Variants in PTPRD observed in about 807,000 individuals in gnomAD.
PTPRD encodes receptor-type tyrosine-protein phosphatase delta.
Under a neutral mutation model 214.5 loss-of-function variants are expected in PTPRD, and 34 were observed. The ratio of observed to expected loss-of-function variants is 0.16; its 90% confidence interval spans 0.12 to 0.21. The LOEUF (loss-of-function observed/expected upper bound fraction) is 0.21, where lower values mean the gene tolerates loss of function less well. Ranked by LOEUF, PTPRD falls within the 10% of genes least tolerant of loss-of-function variation. The pLI is 1.00. For synonymous variants in PTPRD, 1,128 were observed against 845.7 expected (o/e 1.33, Z -5.79); for missense variants, 2,545 against 2,398.7 (o/e 1.06, Z -1.27).
chr9:8,925,720 C>T (rs890742224), intron 11 of PTPRD, among the ~76,000 whole-genome samples: 2 of 151,458 alleles, frequency 1.3e-5, no homozygotes, highest in Admixed American at 6.6e-5. Flanking sequence ...CTCTAGGCAC[C>T]GAGTACTGTT....
At position 8,724,607 on chromosome 9, in the gene PTPRD, A is replaced by C. The variant is rs79812862; in HGVS notation, c.64+9173T>G. Among the ~76,000 whole-genome samples, 91 of 152,288 alleles carry C rather than the reference A, an allele frequency of 6.0e-4. No individual in the cohort carries two copies. In the East Asian group the frequency reaches 0.015, roughly 26 times the overall value. ...TAGAATAAAAACCAAGATTTTGAAC[A>C]AGGTTTATGGAGCCTTGTCTTACCC... On this transcript the variant is annotated intron_variant, in intron 12 of 45. Transcript: ENST00000381196.
intron 3 of PTPRD, among the ~76,000 whole-genome samples, chr9:10,338,800 A>G (rs2096888677): frequency 6.6e-6 from 1 of 151,794 alleles, no homozygotes; most frequent in South Asian, 2.1e-4. Context: ...AAAAAAATAC[A>G]TATTTTTCTC....
intron 8 of PTPRD, among the ~76,000 whole-genome samples, chr9:9,558,607 T>C (rs975375137): frequency 8.5e-5 from 13 of 152,210 alleles, no homozygotes; most frequent in Admixed American, 7.9e-4. Flanking sequence ...GTTACATACA[T>C]AAGCGTTGAT....
intron 43 of PTPRD, among the ~76,000 whole-genome samples, chr9:8,336,935 A>AAGTC (rs1458247338): frequency 6.6e-6 from 1 of 152,226 alleles, no homozygotes; most frequent in African/African-American, 2.4e-5. Context: ...GATCATTAAA[A>AAGTC]AGTCAGGAAA....
chr9:9,807,598 C>T (rs1472266518), intron 5 of PTPRD, among the ~76,000 whole-genome samples: 1 of 152,144 alleles, frequency 6.6e-6, no homozygotes, highest in African/African-American at 2.4e-5. Context: ...CCTGAGATAA[C>T]TTTGTGAAAA....
intron 2 of PTPRD, among the ~76,000 whole-genome samples, chr9:10,540,320 A>C (rs2058814626): frequency 6.6e-6 from 1 of 152,106 alleles, no homozygotes; most frequent in Non-Finnish European, 1.5e-5. Context: ...GAGCCACCGG[A>C]CCCGGGCATA....
chr9:10,029,028 G>T (rs1183492573), intron 4 of PTPRD, among the ~76,000 whole-genome samples: 1 of 152,132 alleles, frequency 6.6e-6, no homozygotes, highest in Non-Finnish European at 1.5e-5. Context: ...AGCTGCTCCA[G>T]TTGTGGCTGA....
chr9:9,667,459 A>G (rs1218526812), intron 7 of PTPRD, among the ~76,000 whole-genome samples: 2 of 152,128 alleles, frequency 1.3e-5, no homozygotes, highest in African/African-American at 4.8e-5. Flanking sequence ...GAAAGTCATA[A>G]AATAGTTTAT....
chr9:8,878,131 G>C (rs1391277811), intron 11 of PTPRD, among the ~76,000 whole-genome samples: 2 of 152,184 alleles, frequency 1.3e-5, no homozygotes, highest in African/African-American at 2.4e-5. Flanking sequence ...TACATTGCCA[G>C]ATATTACTTA....
chr9:8,785,381 C>A (rs2095901240), intron 11 of PTPRD, among the ~76,000 whole-genome samples: 1 of 152,136 alleles, frequency 6.6e-6, no homozygotes, highest in South Asian at 2.1e-4. Context: ...TGATTAGCTA[C>A]AAAGGCAAAA....
chr9:8,404,214 C>G (rs760070321), intron 36 of PTPRD, among the ~76,000 whole-genome samples: 2 of 152,092 alleles, frequency 1.3e-5, no homozygotes, highest in Non-Finnish European at 2.9e-5. Context: ...CTGCAACTCC[C>G]GCCTCCTGGG....
intron 8 of PTPRD, among the ~76,000 whole-genome samples, chr9:9,517,029 G>C (rs1409917462): frequency 1.3e-5 from 2 of 151,490 alleles, no homozygotes; most frequent in African/African-American, 4.8e-5. Context: ...ATTAGTTGCA[G>C]TGAAATGAAA....
intron 11 of PTPRD, among the ~76,000 whole-genome samples, chr9:8,783,331 A>T (rs2095813654): frequency 1.3e-5 from 2 of 152,236 alleles, no homozygotes; most frequent in Non-Finnish European, 2.9e-5. Context: ...TTTTCCTAGT[A>T]TTAGTAACTT....
intron 3 of PTPRD, among the ~76,000 whole-genome samples, chr9:10,070,703 A>G (rs1350267942): frequency 6.6e-6 from 1 of 152,026 alleles, no homozygotes; most frequent in Non-Finnish European, 1.5e-5. Context: ...AAAATTATGC[A>G]GTCAGTCTTT....
intron 2 of PTPRD, among the ~76,000 whole-genome samples, chr9:10,368,517 G>A (rs1310076938): frequency 6.6e-6 from 1 of 152,044 alleles, no homozygotes; most frequent in Non-Finnish European, 1.5e-5. Flanking sequence ...CGATAAATTA[G>A]AGGTGTTTAT....
At chr9:10,364,236 C>T (rs28557232) in intron 2 of PTPRD, among the ~76,000 whole-genome samples, 17,500 of 151,836 alleles carry the variant, frequency 0.12, 1,520 homozygotes, top group African/African-American at 0.24. Context: ...CTCCTGACCT[C>T]GTGATCCGCC....
At chr9:8,651,451 G>A (rs1480181048) in intron 12 of PTPRD, among the ~76,000 whole-genome samples, 1 of 152,184 alleles carries the variant, frequency 6.6e-6, no homozygotes, top group African/African-American at 2.4e-5. Flanking sequence ...CACACGGATA[G>A]AGGCTAGGGT....
chr9:10,214,430 T>G (rs1418950704), intron 3 of PTPRD, among the ~76,000 whole-genome samples: 1 of 13,780 alleles, frequency 7.3e-5, no homozygotes, highest in Non-Finnish European at 2.9e-4. Flanking sequence ...AGCCCAACTA[T>G]TTTTTTTTTT....
At chr9:10,085,005 A>G (rs1181550495) in intron 3 of PTPRD, among the ~76,000 whole-genome samples, 3 of 151,938 alleles carry the variant, frequency 2.0e-5, no homozygotes, top group Non-Finnish European at 4.4e-5. Context: ...GTCCAGAGAA[A>G]TAAATATCAA....
Sources: allele counts gnomAD v4.1 joint callset (sites outside exome capture counted in the v4.1 genomes callset), GRCh38; gene constraint gnomAD v4.1.1; transcripts MANE v1.5; gene names NCBI Gene and HGNC (gene_info 2026-07-23, HGNC 2026-07-21).